Variants in SEC24B observed in about 807,000 individuals in gnomAD.
SEC24B encodes SEC24 homolog B, COPII component.
Under a neutral mutation model 142.8 loss-of-function variants are expected in SEC24B, and 45 were observed. The ratio of observed to expected loss-of-function variants is 0.32; its 90% CI spans 0.25 to 0.40. The LOEUF is 0.40. Ranked by LOEUF, SEC24B falls within the 10% of genes least tolerant of loss-of-function variation. The probability of loss-of-function intolerance (pLI) is 1.00; values close to 1 mark genes in which losing one functional copy is unlikely to be tolerated. For synonymous variants in SEC24B, 574 were observed against 568.2 expected (o/e 1.01, Z -0.15); for missense variants, 1,409 against 1,526.8 (o/e 0.92, Z 1.29).
chr4:109,510,842 TTC>T (rs1737241761), intron 8 of SEC24B, among the ~76,000 whole-genome samples: 1 of 152,146 alleles, frequency 6.6e-6, no homozygotes, highest in Non-Finnish European at 1.5e-5. Context: ...TTCTTACTGG[TTC>T]TGAGTTTTCT....
chr4:109,481,642 G>A, intron 3 of SEC24B, 35 bp from the exon 4 acceptor site: 1 of 1,427,804 alleles, frequency 7.0e-7, no homozygotes, highest in East Asian at 2.3e-5. Context: ...TTTCCTGTTG[G>A]TTTGACTCTT....
At chr4:109,494,380 G>A (rs1351126322) in intron 5 of SEC24B, among the ~76,000 whole-genome samples, 1 of 152,126 alleles carries the variant, frequency 6.6e-6, no homozygotes, top group Non-Finnish European at 1.5e-5. Context: ...ATAAAAAAAA[G>A]ATGTAGTATG....
chr4:109,466,695 C>T (rs138359437), intron 2 of SEC24B, among the ~76,000 whole-genome samples: 1 of 152,172 alleles, frequency 6.6e-6, no homozygotes, highest in African/African-American at 2.4e-5. Context: ...CAGGCGTGAG[C>T]CACTGCACCC....
chr4:109,518,968 G>A (rs758836979), intron 11 of SEC24B, among the ~76,000 whole-genome samples: 12 of 151,782 alleles, frequency 7.9e-5, no homozygotes, highest in African/African-American at 2.2e-4. Flanking sequence ...CATCACACTC[G>A]GCTAATTTTT....
intron 9 of SEC24B, among the ~76,000 whole-genome samples, chr4:109,513,496 C>G (rs1033400516): frequency 6.6e-6 from 1 of 151,952 alleles, no homozygotes; most frequent in Non-Finnish European, 1.5e-5. Flanking sequence ...GTTGGTCAGG[C>G]TGTTCTCAAA....
At chr4:109,536,661 C>T (rs1725571191) in intron 22 of SEC24B, among the ~76,000 whole-genome samples, 1 of 152,080 alleles carries the variant, frequency 6.6e-6, no homozygotes, top group South Asian at 2.1e-4. Flanking sequence ...TCCTGGGTAG[C>T]TGGGACTACA....
At chr4:109,487,181 A>G (rs975940366) in intron 4 of SEC24B, among the ~76,000 whole-genome samples, 7 of 151,812 alleles carry the variant, frequency 4.6e-5, no homozygotes, top group Non-Finnish European at 8.8e-5. Flanking sequence ...AAAAAAAAAA[A>G]AAAGAAAAGT....
intron 1 of SEC24B, among the ~76,000 whole-genome samples, chr4:109,449,100 T>C (rs1366256777): frequency 2.0e-5 from 3 of 152,222 alleles, no homozygotes; most frequent in Non-Finnish European, 4.4e-5. Flanking sequence ...TATTGAGTCA[T>C]TTCAGGGTTT....
At chr4:109,458,957 A>G (rs1347427376) in intron 1 of SEC24B, among the ~76,000 whole-genome samples, 1 of 152,168 alleles carries the variant, frequency 6.6e-6, no homozygotes, top group African/African-American at 2.4e-5. Flanking sequence ...TGTCTATTTT[A>G]GAAGTATTAA....
chr4:109,523,944 T>C (rs976168856), intron 14 of SEC24B, among the ~76,000 whole-genome samples: 2 of 152,162 alleles, frequency 1.3e-5, no homozygotes, highest in African/African-American at 2.4e-5. Context: ...TTTATAGAAA[T>C]TGTATTTTAA....
chr4:109,528,800 T>C (rs1343591352), intron 18 of SEC24B, among the ~76,000 whole-genome samples: 1 of 152,132 alleles, frequency 6.6e-6, no homozygotes, highest in Non-Finnish European at 1.5e-5. Context: ...AGAAAGAGAG[T>C]TATTAATACT....
chr4:109,529,323 A>G lies in SEC24B; in HGVS notation c.3077-966A>G, dbSNP rs1040916975. 5.9e-5 allele frequency among the ~76,000 whole-genome samples: 9 copies of G among 152,294 alleles called. No homozygotes were observed. In the South Asian group the frequency reaches 8.3e-4, roughly 14 times the overall value. On this transcript the variant is annotated intron_variant, in intron 18 of 23. Coordinates refer to ENST00000265175, the MANE Select transcript of SEC24B (RefSeq NM_006323.5). ...TTATGATGGAATCAGTTGTACCCCA[A>G]ACCTCAGGATTCAGATTTTTTAAGT...
chr4:109,515,494 A>T (rs142647816), intron 10 of SEC24B, among the ~76,000 whole-genome samples: 67 of 151,810 alleles, frequency 4.4e-4, no homozygotes, highest in African/African-American at 1.6e-3. Context: ...ACAGAGTTTC[A>T]CTCTGTCACC....
At chr4:109,440,013 G>C (rs1410346917) in intron 1 of SEC24B, among the ~76,000 whole-genome samples, 1 of 151,426 alleles carries the variant, frequency 6.6e-6, no homozygotes, top group Non-Finnish European at 1.5e-5. Context: ...CCAGCTACTC[G>C]GGAGGCTGAG....
intron 1 of SEC24B, among the ~76,000 whole-genome samples, chr4:109,455,064 C>T (rs899525526): frequency 2.0e-5 from 3 of 152,158 alleles, no homozygotes; most frequent in African/African-American, 2.4e-5. Flanking sequence ...TGGGTCTACA[C>T]GTTAAATAAA....
At position 109,539,847 on chromosome 4, in the gene SEC24B, C is replaced by T. The variant is rs995367788; in HGVS notation, c.*172C>T. On this transcript the variant is annotated 3_prime_UTR_variant, in exon 24 of 24. Transcript: ENST00000265175. ...AAGGGGAAGAAAGAACTTGACAGAT[C>T]TTTTTCAACTCAAATTAATGGTAAC... 1.7e-6 allele frequency: 1 copy of T among 576,312 alleles called. No individual in the cohort carries two copies. The highest frequency in any genetic ancestry group is 3.0e-6 in the Non-Finnish European group (1 of 328,352). The allele number at this position is 576,312 out of a possible 1,614,324, so 35.7% of individuals were successfully genotyped here. A position where few individuals can be genotyped will look rare whatever the true frequency, so the allele number is the denominator to read the frequency against.
chr4:109,486,179 T>G (rs1734334123), intron 4 of SEC24B, among the ~76,000 whole-genome samples: 1 of 152,128 alleles, frequency 6.6e-6, no homozygotes, highest in Non-Finnish European at 1.5e-5. Context: ...GTGGAGTAGG[T>G]GTTATTATGA....
Position 109,533,575 on chromosome 4 carries a change from G to C in SEC24B, c.3496-18G>C. 6.7e-7 allele frequency: 1 copy of C among 1,502,160 alleles called. No individual in the cohort carries two copies. The highest frequency in any genetic ancestry group is 9.3e-7 in the Non-Finnish European group (1 of 1,080,964). The allele number at this position is 1,502,160 out of a possible 1,614,324, so 93.1% of individuals were successfully genotyped here. A position where few individuals can be genotyped will look rare whatever the true frequency, so the allele number is the denominator to read the frequency against. ...AACTATTAGGGAGTTTTAATATTTT[G>C]TTGCTTTTTCTTTTTAGGTTTTTTA... On this transcript the variant is annotated intron_variant, in intron 21 of 23. Coordinates refer to ENST00000265175, the MANE Select transcript of SEC24B (RefSeq NM_006323.5).
chr4:109,535,881 C>T (rs1725483437), intron 22 of SEC24B, among the ~76,000 whole-genome samples: 1 of 151,922 alleles, frequency 6.6e-6, no homozygotes, highest in Non-Finnish European at 1.5e-5. Context: ...TTATACTAAA[C>T]ACAAATTTTT....
Sources: allele counts gnomAD v4.1 joint callset (sites outside exome capture counted in the v4.1 genomes callset), GRCh38; gene constraint gnomAD v4.1.1; transcripts MANE v1.5; gene names NCBI Gene and HGNC (gene_info 2026-07-23, HGNC 2026-07-21).